The following NGEF variants were observed in gnomAD, a reference collection of about 807,000 sequenced individuals.
NGEF encodes neuronal guanine nucleotide exchange factor.
NGEF carries 31 observed loss-of-function variants against 80.9 expected under a neutral mutation model. The ratio of observed to expected loss-of-function variants is 0.38; its 90% confidence interval spans 0.29 to 0.52. The LOEUF (loss-of-function observed/expected upper bound fraction) is 0.52, where lower values mean the gene tolerates loss of function less well. Among genes scored for constraint, NGEF ranks in the 20% least tolerant of loss-of-function variants. The pLI, the probability that NGEF is intolerant of heterozygous loss-of-function variation, is 0.84. For synonymous variants in NGEF, 371 were observed against 370.2 expected (o/e 1.00, Z -0.03); for missense variants, 709 against 926.2 (o/e 0.77, Z 3.04).
intron 9 of NGEF, among the ~76,000 whole-genome samples, chr2:232,886,595 A>G (rs945236691): frequency 6.9e-6 from 1 of 144,542 alleles, no homozygotes; most frequent in Admixed American, 7.1e-5. Flanking sequence ...ACTTTCATAA[A>G]TCAGAGAAAA....
intron 1 of NGEF, among the ~76,000 whole-genome samples, chr2:233,008,798 T>A (rs1468411739): frequency 6.6e-6 from 1 of 151,894 alleles, no homozygotes; most frequent in Non-Finnish European, 1.5e-5. Flanking sequence ...ACCATCTGCA[T>A]CTTTTTTTTT....
At chr2:232,991,565 C>G (rs1023642779) in intron 1 of NGEF, among the ~76,000 whole-genome samples, 10 of 151,912 alleles carry the variant, frequency 6.6e-5, no homozygotes, top group Admixed American at 5.2e-4. Flanking sequence ...GATGCTGAAA[C>G]TACAAAATAT....
chr2:232,966,455 C>T (rs755731019), intron 3 of NGEF, among the ~76,000 whole-genome samples: 3 of 152,194 alleles, frequency 2.0e-5, no homozygotes, highest in Admixed American at 2.0e-4. Flanking sequence ...CCCTTGCAGG[C>T]TGCTTCAGCC....
chr2:232,882,276 G>A lies in NGEF; in HGVS notation c.1758-11C>T. ...CGCTTCATCTCACTCCTGGCACAGG[G>A]AAGAGGACAGTGCCCCAACTGCAGA... On this transcript the variant is annotated splice_polypyrimidine_tract_variant and intron_variant, in intron 12 of 14. Transcript: ENST00000264051. 6.2e-7 allele frequency: 1 copy of A among 1,611,758 alleles called. No individual in the cohort carries two copies. The highest frequency in any genetic ancestry group is 8.5e-7 in the Non-Finnish European group (1 of 1,178,658).
chr2:232,899,684 TCATA>T (rs1692219253), intron 5 of NGEF, among the ~76,000 whole-genome samples: 1 of 114,284 alleles, frequency 8.8e-6, no homozygotes, highest in African/African-American at 3.4e-5. Flanking sequence ...TCACAGTCAC[TCATA>T]CACACATTCA....
intron 5 of NGEF, among the ~76,000 whole-genome samples, chr2:232,899,146 AGTGT>A (rs142804753): frequency 0.076 from 11,401 of 150,976 alleles, 519 homozygotes; most frequent in East Asian, 0.17. Flanking sequence ...AGAGTATGAG[AGTGT>A]GTGACAGTGG....
At chr2:232,941,740 G>C (rs2106297145) in intron 3 of NGEF, among the ~76,000 whole-genome samples, 1 of 152,308 alleles carries the variant, frequency 6.6e-6, no homozygotes, top group East Asian at 1.9e-4. Flanking sequence ...TGGTCCACTT[G>C]AAAATGATGG....
intron 5 of NGEF, 63 bp from the exon 6 acceptor site, chr2:232,894,979 G>A (rs1692012335): frequency 2.0e-6 from 3 of 1,502,400 alleles, no homozygotes; most frequent in East Asian, 4.6e-5. Context: ...CGCTAGCCTT[G>A]GCTGAGACAG....
At chr2:233,010,933 C>T (rs1695189807) in intron 1 of NGEF, among the ~76,000 whole-genome samples, 1 of 152,078 alleles carries the variant, frequency 6.6e-6, no homozygotes, top group Admixed American at 6.5e-5. Context: ...GGCCCAGCAG[C>T]CTCCTGAAGA....
intron 1 of NGEF, among the ~76,000 whole-genome samples, chr2:233,007,381 C>T (rs558501727): frequency 6.6e-6 from 1 of 152,144 alleles, no homozygotes; most frequent in Non-Finnish European, 1.5e-5. Context: ...TAGGAAGAAC[C>T]CTTTGGCCCG....
At chr2:233,000,740 A>G (rs1428016668) in intron 1 of NGEF, among the ~76,000 whole-genome samples, 1 of 149,112 alleles carries the variant, frequency 6.7e-6, no homozygotes, top group Non-Finnish European at 1.5e-5. Flanking sequence ...AGCTCGGGCG[A>G]CAGAGCGAGA....
intron 3 of NGEF, among the ~76,000 whole-genome samples, chr2:232,937,420 C>T (rs1157891299): frequency 2.6e-5 from 4 of 152,228 alleles, no homozygotes; most frequent in Non-Finnish European, 4.4e-5. Flanking sequence ...TCTTCAGTGA[C>T]TCTTCAGTAC....
intron 3 of NGEF, among the ~76,000 whole-genome samples, chr2:232,944,288 C>T (rs542149881): frequency 6.6e-6 from 1 of 152,234 alleles, no homozygotes; most frequent in African/African-American, 2.4e-5. Flanking sequence ...TGCATTTACC[C>T]TTCCACCCAG....
intron 1 of NGEF, among the ~76,000 whole-genome samples, chr2:233,012,206 A>T (rs1695223273): frequency 6.6e-6 from 1 of 152,240 alleles, no homozygotes. Context: ...AAATACACTG[A>T]TAGTCAATGG....
chr2:232,926,063 A>G (rs1326773579), intron 4 of NGEF, among the ~76,000 whole-genome samples: 1 of 152,142 alleles, frequency 6.6e-6, no homozygotes, highest in Non-Finnish European at 1.5e-5. Context: ...AGGTCTCCCA[A>G]GCACGGGGTC....
intron 3 of NGEF, among the ~76,000 whole-genome samples, chr2:232,960,493 G>C (rs375661747): frequency 1.7e-4 from 26 of 152,244 alleles, no homozygotes; most frequent in African/African-American, 4.8e-4. Context: ...GCCTGGAAAG[G>C]GGAGGTCATG....
chr2:232,982,286 G>T (rs1289728859), intron 1 of NGEF, among the ~76,000 whole-genome samples: 6 of 152,210 alleles, frequency 3.9e-5, no homozygotes, highest in African/African-American at 1.4e-4. Context: ...TGGCCAGGAA[G>T]TGTGGCCTGA....
chr2:232,956,959 A>C, intron 3 of NGEF, among the ~76,000 whole-genome samples: 1 of 152,020 alleles, frequency 6.6e-6, no homozygotes, highest in South Asian at 2.1e-4. Flanking sequence ...TAGGAAGATA[A>C]AAAGAGAATT....
chr2:232,916,118 T>C (rs1294131135), intron 5 of NGEF, among the ~76,000 whole-genome samples: 1 of 152,216 alleles, frequency 6.6e-6, no homozygotes, highest in Non-Finnish European at 1.5e-5. Flanking sequence ...TTTAAATAAA[T>C]GAAAGTACTG....
Sources: gnomAD v4.1 joint callset for allele counts (sites outside exome capture counted in the v4.1 genomes callset) on GRCh38, gnomAD v4.1.1 for gene constraint, MANE v1.5 for transcripts, NCBI Gene and HGNC (gene_info 2026-07-23, HGNC 2026-07-21) for gene names.